DAPK2: variants seen among roughly 807,000 people sequenced by gnomAD.
The protein encoded by DAPK2 is death associated protein kinase 2.
A neutral mutation model predicts 44.1 loss-of-function variants in DAPK2; 35 were observed. The observed-to-expected ratio is 0.79, with a 90% confidence interval of 0.61 to 1.05. The LOEUF is 1.05. DAPK2 is among the 50% of genes least tolerant of loss of function. The probability of loss-of-function intolerance (pLI) is 0.00; values close to 1 mark genes in which losing one functional copy is unlikely to be tolerated. For synonymous variants in DAPK2, 174 were observed against 182.6 expected, an observed-to-expected ratio of 0.95 and a Z score of 0.38; for missense variants, 453 against 483.2, an observed-to-expected ratio of 0.94 and a Z score of 0.59.
intron 6 of DAPK2, among the ~76,000 whole-genome samples, chr15:63,926,536 C>A (rs749820500): frequency 3.9e-5 from 6 of 152,070 alleles, no homozygotes; most frequent in South Asian, 2.1e-4. Context: ...GACGGAAAGG[C>A]CTTCTGGGTT....
At chr15:63,955,799 C>T (rs1049906981) in intron 3 of DAPK2, among the ~76,000 whole-genome samples, 1 of 152,168 alleles carries the variant, frequency 6.6e-6, no homozygotes, top group African/African-American at 2.4e-5. Flanking sequence ...AACTCCTGAG[C>T]TCAAGTGCTC....
At chr15:63,978,169 C>G (rs984327844) in intron 2 of DAPK2, among the ~76,000 whole-genome samples, 1 of 152,160 alleles carries the variant, frequency 6.6e-6, no homozygotes, top group African/African-American at 2.4e-5. Context: ...ATCATATAGA[C>G]AGTGAAGCCT....
chr15:63,963,474 C>A (rs1294519621), intron 3 of DAPK2, among the ~76,000 whole-genome samples: 1 of 152,154 alleles, frequency 6.6e-6, no homozygotes, highest in Non-Finnish European at 1.5e-5. Flanking sequence ...AACCTCTTAA[C>A]TGTTTTTTGT....
intron 4 of DAPK2, chr15:63,935,818 CT>C (rs570606074): frequency 1.2e-3 from 181 of 152,036 alleles, no homozygotes; most frequent in African/African-American, 3.9e-3. Flanking sequence ...ATTTCTATGT[CT>C]TTGTCACTCT....
At position 63,971,495 on chromosome 15, in the gene DAPK2, G is replaced by C. The variant is rs747963705; in HGVS notation, c.381C>G (p.Thr127=). The C allele has an allele frequency of 3.0e-5, 49 of 1,614,068 alleles. No homozygotes were observed. The South Asian group carries it at 5.2e-4, about 17-fold the overall frequency. ...CATCCAGGATCTGCTTAATGAAGCT[G>C]GTGGCCTCCTCCTCACTCAGTGACT... The change falls in exon 3 of 11, where the codon ACC becomes ACG. Residue 127 remains threonine, a synonymous_variant. Coordinates refer to ENST00000261891, the Ensembl canonical transcript of DAPK2.
chr15:63,984,570 T>C (rs913417090), intron 1 of DAPK2, among the ~76,000 whole-genome samples: 1 of 152,180 alleles, frequency 6.6e-6, no homozygotes, highest in African/African-American at 2.4e-5. Context: ...CTCAGTTCAG[T>C]GACCAGCAGG....
intron 3 of DAPK2, among the ~76,000 whole-genome samples, chr15:63,945,548 C>G (rs1445436564): frequency 2.0e-5 from 3 of 152,118 alleles, no homozygotes; most frequent in African/African-American, 7.2e-5. Flanking sequence ...AGCTAAGGGT[C>G]AGCAGAGTGG....
chr15:63,929,752 G>A, intron 5 of DAPK2, 175 bp from the exon 7 acceptor site: 1 of 757,672 alleles, frequency 1.3e-6, no homozygotes, highest in East Asian at 2.7e-5. Flanking sequence ...AGCCCGGGGT[G>A]TGTTTGGAGT....
At chr15:63,985,613 G>A (rs539929890) in intron 1 of DAPK2, among the ~76,000 whole-genome samples, 1 of 152,276 alleles carries the variant, frequency 6.6e-6, no homozygotes, top group Non-Finnish European at 1.5e-5. Flanking sequence ...AAAGCTTAAG[G>A]GTGGTAAGGG....
intron 8 of DAPK2, chr15:63,920,922 C>A (rs1442974246): frequency 6.6e-6 from 1 of 152,418 alleles, no homozygotes; most frequent in Admixed American, 6.5e-5. Context: ...ACTTCTCTCT[C>A]CCTGGTTGGC....
chr15:63,954,656 T>C (rs2077674630), intron 3 of DAPK2, among the ~76,000 whole-genome samples: 1 of 152,192 alleles, frequency 6.6e-6, no homozygotes, highest in Non-Finnish European at 1.5e-5. Context: ...TCCATATACA[T>C]TTTAGGTTTT....
At chr15:63,949,934 G>T (rs984191985) in intron 3 of DAPK2, among the ~76,000 whole-genome samples, 1 of 152,182 alleles carries the variant, frequency 6.6e-6, no homozygotes, top group African/African-American at 2.4e-5. Context: ...TTCTTCAAAT[G>T]TTCTGAAATT....
At chr15:63,982,408 C>G (rs2078545415) in intron 2 of DAPK2, among the ~76,000 whole-genome samples, 1 of 152,052 alleles carries the variant, frequency 6.6e-6, no homozygotes, top group Non-Finnish European at 1.5e-5. Flanking sequence ...CCAGGCTGGT[C>G]TCAAACTCCG....
Position 63,912,276 on chromosome 15 carries a change from C to T in DAPK2, c.859-79G>A. 7.1e-7 allele frequency: 1 copy of T among 1,407,852 alleles called. No individual in the cohort carries two copies. Among genetic ancestry groups the T allele is most frequent in the South Asian group, 1.2e-5 (1 of 83,904 alleles). The allele number at this position is 1,407,852 out of a possible 1,614,324, so 87.2% of individuals were successfully genotyped here. On this transcript the variant is annotated intron_variant, in intron 8 of 10. Transcript: ENST00000261891. The surrounding 1 kb of genome is among the most constrained non-coding windows in gnomAD (Gnocchi z 4.4). ...CCCTCCTCGCCGCAGAACTCCCCAC[C>T]CACCGCATGCCCACCGCCCTTGGCT... is the stretch of plus-strand genomic sequence containing the variant.
chr15:64,014,816 A>T (rs1841836131), intron 1 of DAPK2, among the ~76,000 whole-genome samples: 1 of 151,942 alleles, frequency 6.6e-6, no homozygotes. Context: ...GCTATTTGGG[A>T]GGCTGAGACA....
chr15:63,992,547 G>C (rs1376864856), intron 1 of DAPK2, among the ~76,000 whole-genome samples: 1 of 152,226 alleles, frequency 6.6e-6, no homozygotes, highest in Admixed American at 6.5e-5. Flanking sequence ...TATAGCCTGG[G>C]CATGAAAGAA....
chr15:63,991,623 G>A (rs2078822415), intron 1 of DAPK2, among the ~76,000 whole-genome samples: 1 of 152,136 alleles, frequency 6.6e-6, no homozygotes, highest in Non-Finnish European at 1.5e-5. Flanking sequence ...AGGCCTAAAG[G>A]GGCTTCAGGG....
exon 2 of DAPK2, chr15:63,983,588 T>C (rs2078588788): frequency 1.9e-6 from 3 of 1,614,140 alleles, no homozygotes; most frequent in East Asian, 2.2e-5. Flanking sequence ...TGCAGCGTGA[T>C]GACATTGTGG....
intron 2 of DAPK2, 87 bp downstream of exon 3, chr15:63,983,446 G>C (rs55986634): frequency 7.9e-7 from 1 of 1,265,258 alleles, no homozygotes. Flanking sequence ...GGTTGCTGCT[G>C]CCCCCTGGGG....
Sources: gnomAD v4.1 joint callset for allele counts (sites outside exome capture counted in the v4.1 genomes callset) on GRCh38, gnomAD v4.1.1 for gene constraint, Gnocchi (gnomAD v3.1) non-coding constraint, MANE v1.5 for transcripts, NCBI Gene and HGNC (gene_info 2026-07-23, HGNC 2026-07-21) for gene names.